The following AATK variants were observed in gnomAD, a reference collection of about 807,000 sequenced individuals.
AATK encodes serine/threonine-protein kinase LMTK1.
AATK carries 91 observed loss-of-function variants against 114.3 expected under a neutral mutation model. That is an observed-to-expected ratio of 0.80 (90% CI 0.67 to 0.95). AATK has a LOEUF of 0.95. Ranked by LOEUF, AATK falls within the 40% of genes least tolerant of loss-of-function variation. The pLI is 0.00. For synonymous variants in AATK, 1,075 were observed against 916.5 expected (o/e 1.17, Z -3.12); for missense variants, 2,176 against 1,965.2 (o/e 1.11, Z -2.03).
Position 81,125,260 on chromosome 17 carries a change from C to T in AATK, c.756-246G>A, listed in dbSNP as rs760889290. 4.1e-6 allele frequency: 3 copies of T among 739,694 alleles called. No homozygotes were observed. In the African/African-American group the frequency reaches 5.1e-5, roughly 13 times the overall value. The allele number at this position is 739,694 out of a possible 1,614,324, so 45.8% of individuals were successfully genotyped here. On this transcript the variant is annotated intron_variant, in intron 7 of 13. Transcript: ENST00000326724. The stretch of plus-strand genomic sequence containing the variant: ...CTGGGGAGGGACTGTGTGCGTGGGC[C>T]TCAAATGTTACAGTGCAGAGGAGAA...
At chr17:81,160,319 GC>G in intron 1 of AATK, 1 of 764,974 alleles carries the variant, frequency 1.3e-6, no homozygotes, top group Non-Finnish European at 1.6e-6. Flanking sequence ...GCCCGCCCCA[GC>G]CCCACCCAAG....
Position 81,120,063 on chromosome 17 carries a change from G to A in AATK, c.3756C>T (p.Leu1252=). 1 of 1,457,976 alleles carries A rather than the reference G, an allele frequency of 6.9e-7. No individual in the cohort carries two copies. The highest frequency in any genetic ancestry group is 1.5e-5 in the African/African-American group (1 of 68,156). The allele number at this position is 1,457,976 out of a possible 1,614,324, so 90.3% of individuals were successfully genotyped here. The change falls in exon 12 of 14, where the codon CTC becomes CTT. Residue 1252 remains leucine, a synonymous_variant. Transcript: ENST00000326724. ...CCTTGGCGCCCGGGAAGGGCTCCCC[G>A]AGCTCCCGGGTGGGGCTTTCCTGGA... ...LFDQESPTRE[L]GEPFPGAKES...
intron 1 of AATK, among the ~76,000 whole-genome samples, chr17:81,149,053 T>C (rs2061260869): frequency 1.3e-5 from 2 of 152,170 alleles, no homozygotes; most frequent in Admixed American, 1.3e-4. Flanking sequence ...CTGGCCGAGC[T>C]CTGGGTTGAA....
At chr17:81,119,844 CATG>C in intron 12 of AATK, 89 bp downstream of exon 12, 1 of 1,380,516 alleles carries the variant, frequency 7.2e-7, no homozygotes, top group South Asian at 1.6e-5. Flanking sequence ...GTGCTCCTCC[CATG>C]ATGTCACACA....
intron 1 of AATK, among the ~76,000 whole-genome samples, chr17:81,137,038 A>G (rs1338662005): frequency 1.3e-5 from 2 of 152,060 alleles, no homozygotes; most frequent in Non-Finnish European, 2.9e-5. Flanking sequence ...CAGGTGGATC[A>G]CTTGAGGTCA....
rs1163323864 is a variant in AATK at position 81,117,397 on chromosome 17, AAGCAACAATAAACTTTACATCTCTTT to A, written c.*979_*1004del. 1.3e-5 allele frequency: 2 copies of A among 152,330 alleles called. No individual in the cohort carries two copies. Among genetic ancestry groups the A allele is most frequent in the East Asian group, 3.8e-4 (2 of 5,206 alleles). The allele number at this position is 152,330 out of a possible 1,614,324, so 9.4% of individuals were successfully genotyped here. A position where few individuals can be genotyped will look rare whatever the true frequency, so the allele number is the denominator to read the frequency against. On this transcript the variant is annotated 3_prime_UTR_variant, in exon 14 of 14. Transcript: ENST00000326724. ...AAAACACAAAACAAATCCCCCTGCG[AAGCAACAATAAACTTTACATCTCTTT>A]GGCAACAATAACTTAAAATCACCCA...
intron 1 of AATK, among the ~76,000 whole-genome samples, chr17:81,148,697 C>T (rs113648780): frequency 6.6e-5 from 10 of 152,298 alleles, no homozygotes; most frequent in African/African-American, 2.2e-4. Flanking sequence ...TACAGACACA[C>T]GGGCACACAC....
At chr17:81,138,591 T>C (rs1311458854) in intron 1 of AATK, among the ~76,000 whole-genome samples, 2 of 135,328 alleles carry the variant, frequency 1.5e-5, no homozygotes, top group Non-Finnish European at 3.2e-5. Flanking sequence ...CCCACACACG[T>C]GCACACCCAC....
Position 81,120,453 on chromosome 17 carries a change from C to G in AATK, c.3483G>C (p.Glu1161Asp). The G allele has an allele frequency of 1.9e-6, 3 of 1,554,924 alleles. No individual in the cohort carries two copies. The highest frequency in any genetic ancestry group is 2.6e-6 in the Non-Finnish European group (3 of 1,146,328). The stretch of plus-strand genomic sequence containing the variant: ...CGTCGCTGTCCTCACTGTCCTCCTC[C>G]TCCTCCTCCGGCCGGCCCTCCAAGG... ...PAALEGRPEEEEEDSEDSDES... is the reference protein window; with the variant it reads ...PAALEGRPEEDEEDSEDSDES... The change falls in exon 11 of 14, where the codon GAG becomes GAC. Residue 1161 changes from glutamate to aspartate, a missense_variant. This residue lies in a region of AATK where 1,701 missense variants were observed against 1,394.7 expected (regional missense o/e 1.22). Coordinates refer to ENST00000326724, the MANE Select transcript of AATK (RefSeq NM_001080395.3).
intron 1 of AATK, among the ~76,000 whole-genome samples, chr17:81,143,463 C>T (rs1173866863): frequency 9.5e-6 from 1 of 105,276 alleles, no homozygotes; most frequent in East Asian, 4.5e-4. Flanking sequence ...ATGCAGCCCC[C>T]ACCCCTTGTG....
chr17:81,142,071 T>G (rs1328501291), intron 1 of AATK, among the ~76,000 whole-genome samples: 3 of 151,726 alleles, frequency 2.0e-5, no homozygotes, highest in Admixed American at 2.0e-4. Context: ...TTCTCCCACC[T>G]CAGCCCCCCA....
In AATK at chr17:81,121,551, G is replaced by C; in HGVS notation, c.2385C>G (p.Pro795=). 1 of 1,528,036 alleles carries C rather than the reference G, an allele frequency of 6.5e-7. No homozygotes were observed. Among genetic ancestry groups the C allele is most frequent in the Non-Finnish European group, 8.8e-7 (1 of 1,137,046 alleles). The allele number at this position is 1,528,036 out of a possible 1,614,324, so 94.7% of individuals were successfully genotyped here. ...GGGATGGGGAGGGGACGGAAGGAAG[G>C]GGCAGGCGGGGTCCGGTAGTGCCCT... ...EAEGTTGPRL[P]LPSVPSPSQE... Residue 795 remains proline (P), a synonymous_variant, in exon 11 of 14, where the codon CCC becomes CCG. Transcript: ENST00000326724.
intron 1 of AATK, among the ~76,000 whole-genome samples, chr17:81,164,885 C>A (rs2061467847): frequency 6.6e-6 from 1 of 152,236 alleles, no homozygotes; most frequent in Non-Finnish European, 1.5e-5. Context: ...AGCAGACAGA[C>A]CTCCCACCAG....
In AATK at chr17:81,123,259, G is replaced by A; in HGVS notation, c.1047C>T (p.Tyr349=). ...GCTTGAGCTGCTGCTCCCGGACCGT[G>A]TACGCCAGCACCTGCTGGTCCGAGT... ...PQHSDQQVLA[Y]TVREQQLKLP... is the part of the protein sequence containing the mutation. The change falls in exon 10 of 14, where the codon TAC becomes TAT. Residue 349 remains tyrosine, a synonymous_variant. Transcript: ENST00000326724. 2.8e-6 allele frequency: 4 copies of A among 1,409,638 alleles called. No homozygotes were observed. Among genetic ancestry groups the A allele is most frequent in the Non-Finnish European group, 3.7e-6 (4 of 1,081,530 alleles). The allele number at this position is 1,409,638 out of a possible 1,614,324, so 87.3% of individuals were successfully genotyped here. A position where few individuals can be genotyped will look rare whatever the true frequency, so the allele number is the denominator to read the frequency against.
intron 1 of AATK, chr17:81,160,313 G>A (rs2102335): frequency 0.15 from 97,648 of 645,020 alleles, 6,841 homozygotes; most frequent in African/African-American, 0.35. Flanking sequence ...ACCCCAGCCC[G>A]CCCCAGCCCC....
At chr17:81,119,341 C>CT (rs200201350) in intron 13 of AATK, 39 bp downstream of exon 13, 2 of 1,519,992 alleles carry the variant, frequency 1.3e-6, no homozygotes, top group South Asian at 1.2e-5. Context: ...TGCCCTGCCT[C>CT]CCGCGTGCCC....
chr17:81,119,655 G>C lies in AATK; in HGVS notation c.3884-75C>G, dbSNP rs547282425. On this transcript the variant is annotated intron_variant, in intron 12 of 13. Coordinates refer to ENST00000326724, the MANE Select transcript of AATK (RefSeq NM_001080395.3). ...CCCGGCCCCGCTCCCACAGTCACGG[G>C]CCCAGGCCCCGCCTCCCATCATGTC... 27 of 543,158 alleles carry C rather than the reference G, an allele frequency of 5.0e-5. No homozygotes were observed. In the South Asian group the frequency reaches 7.6e-4, roughly 15 times the overall value. 33.6% of individuals were successfully genotyped at this position (543,158 alleles called of 1,614,324 possible). A position where few individuals can be genotyped will look rare whatever the true frequency, so the allele number is the denominator to read the frequency against.
In AATK at chr17:81,121,289, T is replaced by G; in HGVS notation, c.2647A>C (p.Arg883=). 8 of 1,611,710 alleles carry G rather than the reference T, an allele frequency of 5.0e-6. No individual in the cohort carries two copies. The highest frequency in any genetic ancestry group is 6.8e-6 in the Non-Finnish European group (8 of 1,179,612). ...CGGAAGGCTGGCACCACATCCGGCC[T>G]CCTGGCCTGCAGGCCGTCGCTGGAC... The part of the protein sequence containing the change: ...DTSSDGLQAR[R]PDVVPAFRSL... Residue 883 remains arginine (R), a synonymous_variant, in exon 11 of 14, where the codon AGG becomes CGG. Transcript: ENST00000326724.
Position 81,121,085 on chromosome 17 carries a change from GCA to G in AATK, c.2849_2850del (p.Val950AlafsTer9). The G allele has an allele frequency of 6.2e-7, 1 of 1,606,362 alleles. No individual in the cohort carries two copies. Among genetic ancestry groups the G allele is most frequent in the Non-Finnish European group, 8.5e-7 (1 of 1,176,404 alleles). ...DTENYESPEF[V>X]LKEAQEGCEP... ...TCACACCCTTCCTGCGCCTCCTTGA[GCA>G]CAAACTCAGGGGACTCATAGTTCTC... On this transcript the variant is annotated frameshift_variant, in exon 11 of 14. Coordinates refer to ENST00000326724, the MANE Select transcript of AATK (RefSeq NM_001080395.3). LOFTEE classifies it high-confidence loss of function.
Sources: allele counts gnomAD v4.1 joint callset (sites outside exome capture counted in the v4.1 genomes callset), GRCh38; gene constraint gnomAD v4.1.1; regional missense constraint gnomAD v4.1.1; transcripts MANE v1.5; gene names NCBI Gene and HGNC (gene_info 2026-07-23, HGNC 2026-07-21).